The following TCF7L2 variants were observed in gnomAD, a reference collection of about 807,000 sequenced individuals.
TCF7L2 encodes transcription factor 7 like 2, also known as transcription factor 7-like 2.
In TCF7L2, 23 loss-of-function variants were observed where a neutral mutation model predicts 77.9. The observed-to-expected ratio is 0.30, with a 90% CI of 0.21 to 0.42. The LOEUF is 0.42. Ranked by LOEUF, TCF7L2 falls within the 10% of genes least tolerant of loss-of-function variation. TCF7L2 has a pLI of 1.00. For synonymous variants in TCF7L2, 413 were observed against 340.2 expected (o/e 1.21, Z -2.36); for missense variants, 654 against 793.1 (o/e 0.82, Z 2.11).
At chr10:112,993,131 G>C (rs758433583) in intron 4 of TCF7L2, among the ~76,000 whole-genome samples, 27 of 152,270 alleles carry the variant, frequency 1.8e-4, no homozygotes, top group Middle Eastern at 3.4e-3. Flanking sequence ...TCAAAACTGA[G>C]ATTTGTCACG....
intron 7 of TCF7L2, among the ~76,000 whole-genome samples, chr10:113,144,541 G>A (rs2068970340): frequency 6.6e-6 from 1 of 152,128 alleles, no homozygotes; most frequent in African/African-American, 2.4e-5. Flanking sequence ...ATGATTCCAG[G>A]ACCCCCCACC....
intron 13 of TCF7L2, among the ~76,000 whole-genome samples, chr10:113,162,003 G>T (rs767291886): frequency 1.3e-5 from 2 of 152,208 alleles, no homozygotes; most frequent in Non-Finnish European, 2.9e-5. Flanking sequence ...CAGTCCTGGG[G>T]TCTTCTCTGC....
intron 11 of TCF7L2, chr10:113,157,701 C>A (rs113710525): frequency 8.9e-4 from 229 of 258,226 alleles, no homozygotes; most frequent in African/African-American, 4.8e-3. Flanking sequence ...TTCCTCGTGC[C>A]GTCCCCCATT....
chr10:112,973,032 G>A (rs1203777778), intron 4 of TCF7L2, among the ~76,000 whole-genome samples: 1 of 152,164 alleles, frequency 6.6e-6, no homozygotes, highest in Non-Finnish European at 1.5e-5. Context: ...CTACCAACCA[G>A]CCTTCTGGGC....
Position 112,966,190 on chromosome 10 carries a change from A to ATT in TCF7L2, c.450+1567_450+1568insTT, listed in dbSNP as rs1564721973. On this transcript the variant is annotated intron_variant, in intron 4 of 13. Transcript: ENST00000627217. The stretch of plus-strand genomic sequence containing the variant: ...GACTCTGTCTAAAATATATTTATAT[A>ATT]TATATATATATATATATATATTTTC... Among the ~76,000 whole-genome samples, 32 of 128,490 alleles carry ATT rather than the reference A, an allele frequency of 2.5e-4. 1 individual carries two copies. Among genetic ancestry groups the ATT allele is most frequent in the Admixed American group, 1.0e-3 (14 of 13,592 alleles). 84.3% of individuals were successfully genotyped at this position (128,490 alleles called of 152,430 possible).
chr10:113,129,289 C>T, intron 5 of TCF7L2: 1 of 985,880 alleles, frequency 1.0e-6, no homozygotes, highest in Non-Finnish European at 1.2e-6. Context: ...TGCCTGCCTC[C>T]TGCACTCGGT....
At chr10:113,118,674 T>C (rs1591942543) in intron 5 of TCF7L2, among the ~76,000 whole-genome samples, 1 of 98,616 alleles carries the variant, frequency 1.0e-5, no homozygotes, top group Admixed American at 1.1e-4. Context: ...GTTTTTTTTT[T>C]TTTGTTTTTT....
intron 5 of TCF7L2, among the ~76,000 whole-genome samples, chr10:113,061,632 T>C (rs991154645): frequency 6.6e-6 from 1 of 152,208 alleles, no homozygotes; most frequent in African/African-American, 2.4e-5. Flanking sequence ...GAGGGCCGTG[T>C]CACCTAGGAA....
rs143876660 is a variant in TCF7L2 at position 113,122,086 on chromosome 10, A to G, written c.553-19098A>G. Among the ~76,000 whole-genome samples the G allele has an allele frequency of 6.4e-3, 976 of 152,338 alleles. 8 individuals are homozygous for G. Among genetic ancestry groups the G allele is most frequent in the Non-Finnish European group, 9.9e-3 (674 of 68,022 alleles). On this transcript the variant is annotated intron_variant, in intron 5 of 13. Transcript: ENST00000627217. ...TTCTGTCCAAAATCAGCATACAAAG[A>G]ATCAAACCTCTTGGCAAAGGATATG...
intron 5 of TCF7L2, among the ~76,000 whole-genome samples, chr10:113,138,815 G>A (rs1382492529): frequency 6.6e-6 from 1 of 152,086 alleles, no homozygotes; most frequent in African/African-American, 2.4e-5. Flanking sequence ...CAGCAAGCAG[G>A]CCCAGGATGC....
chr10:113,105,200 G>C (rs2062135787), intron 5 of TCF7L2, among the ~76,000 whole-genome samples: 1 of 152,172 alleles, frequency 6.6e-6, no homozygotes, highest in Non-Finnish European at 1.5e-5. Flanking sequence ...TTCTGTGCCA[G>C]GCAGGGTTCT....
At chr10:113,158,917 GTTTA>G (rs1368164970) in intron 12 of TCF7L2, among the ~76,000 whole-genome samples, 200 bp downstream of exon 13, 3 of 103,306 alleles carry the variant, frequency 2.9e-5, no homozygotes, top group Non-Finnish European at 6.1e-5. Flanking sequence ...CCTTTGTTTT[GTTTA>G]TTTATTTTTC....
chr10:113,157,439 G>T (rs2072173010), intron 11 of TCF7L2, among the ~76,000 whole-genome samples: 2 of 152,206 alleles, frequency 1.3e-5, no homozygotes, highest in South Asian at 4.1e-4. Context: ...TGTGAAAGGA[G>T]CCCAGATGAT....
At position 113,166,126 on chromosome 10, in the gene TCF7L2, AT is replaced by A; in HGVS notation, c.*155del. ...TGATGTTTATCGAGTTCATTGGTCAATATTTGACCCATTCTTATTTCAATTT... is the reference window on the plus strand; with the variant it reads ...TGATGTTTATCGAGTTCATTGGTCAAATTTGACCCATTCTTATTTCAATTT... On this transcript the variant is annotated 3_prime_UTR_variant, in exon 14 of 14. Transcript: ENST00000627217. 2 of 612,092 alleles carry A rather than the reference AT, an allele frequency of 3.3e-6. No individual in the cohort carries two copies. Among genetic ancestry groups the A allele is most frequent in the Non-Finnish European group, 4.8e-6 (2 of 412,512 alleles). 37.9% of individuals were successfully genotyped at this position (612,092 alleles called of 1,614,324 possible). A position where few individuals can be genotyped will look rare whatever the true frequency, so the allele number is the denominator to read the frequency against.
intron 4 of TCF7L2, among the ~76,000 whole-genome samples, chr10:112,992,270 T>C (rs1323916530): frequency 6.6e-6 from 1 of 152,124 alleles, no homozygotes; most frequent in East Asian, 1.9e-4. Flanking sequence ...GGCAGTGGGA[T>C]TGGGCAACCT....
chr10:113,006,291 G>A (rs992180457), intron 4 of TCF7L2, among the ~76,000 whole-genome samples: 8 of 152,184 alleles, frequency 5.3e-5, no homozygotes, highest in Non-Finnish European at 7.3e-5. Flanking sequence ...TTTCTTAGTT[G>A]AATCTTACTT....
intron 5 of TCF7L2, among the ~76,000 whole-genome samples, chr10:113,090,016 A>T (rs942888541): frequency 2.0e-5 from 3 of 152,228 alleles, no homozygotes; most frequent in African/African-American, 7.2e-5. Flanking sequence ...CTTTGCCTCG[A>T]CAATACCTAC....
chr10:113,011,145 G>A (rs2046384176), intron 4 of TCF7L2, among the ~76,000 whole-genome samples: 3 of 152,218 alleles, frequency 2.0e-5, no homozygotes. Flanking sequence ...CAGGAGGGGA[G>A]GAGTGGTTCC....
chr10:113,107,437 A>G (rs1038270888), intron 5 of TCF7L2, among the ~76,000 whole-genome samples: 11 of 151,966 alleles, frequency 7.2e-5, no homozygotes, highest in African/African-American at 2.7e-4. Flanking sequence ...TGATGTACAC[A>G]TTTGTGGTCA....
Sources: gnomAD v4.1 joint callset for allele counts (sites outside exome capture counted in the v4.1 genomes callset) on GRCh38, gnomAD v4.1.1 for gene constraint, MANE v1.5 for transcripts, NCBI Gene and HGNC (gene_info 2026-07-23, HGNC 2026-07-21) for gene names.